Variants in EPN2 observed in about 807,000 individuals in gnomAD.
EPN2 encodes the protein epsin-2.
In EPN2, 34 loss-of-function variants were observed where a neutral mutation model predicts 61.7. The observed-to-expected ratio is 0.55, with a 90% CI of 0.42 to 0.73. The LOEUF (loss-of-function observed/expected upper bound fraction) is 0.73. Ranked by LOEUF, EPN2 falls within the 30% of genes least tolerant of loss-of-function variation. EPN2 has a pLI of 0.00. For synonymous variants in EPN2, 349 were observed against 353.6 expected, an observed-to-expected ratio of 0.99 and a Z score of 0.15; for missense variants, 714 against 839.2, an observed-to-expected ratio of 0.85 and a Z score of 1.84.
At chr17:19,297,261 G>A (rs1281139122) in intron 4 of EPN2, 3 of 152,202 alleles carry the variant, frequency 2.0e-5, no homozygotes, top group African/African-American at 7.2e-5. Flanking sequence ...AAGCATGCAG[G>A]TTCTTAATCT....
At chr17:19,310,942 T>A (rs977311508) in intron 5 of EPN2, among the ~76,000 whole-genome samples, 24 of 152,048 alleles carry the variant, frequency 1.6e-4, no homozygotes, top group African/African-American at 5.8e-4. Flanking sequence ...GCAATTAGAG[T>A]GGCCTTACAA....
intron 3 of EPN2, among the ~76,000 whole-genome samples, chr17:19,284,291 CAT>C (rs2045384329): frequency 6.6e-6 from 1 of 152,148 alleles, no homozygotes; most frequent in Non-Finnish European, 1.5e-5. Flanking sequence ...GCTGGGTCTG[CAT>C]TGAGTTCTGG....
intron 7 of EPN2, among the ~76,000 whole-genome samples, chr17:19,320,278 G>A (rs1298720022): frequency 6.6e-6 from 1 of 152,222 alleles, no homozygotes; most frequent in Admixed American, 6.5e-5. Flanking sequence ...TGTAGTGGCT[G>A]TCTGTTTCTC....
In EPN2 at chr17:19,309,775, G is replaced by A. The variant is rs191212258; in HGVS notation, c.767-110G>A. ...TGCCTGCATTGTTGGGCTACTGCTG[G>A]ACCTTGCGGGTTTGAGATGGGAATG... On this transcript the variant is annotated intron_variant, in intron 4 of 10. Transcript: ENST00000314728. 111 of 780,990 alleles carry A rather than the reference G, an allele frequency of 1.4e-4. No individual in the cohort carries two copies. The East Asian group carries it at 2.4e-3, about 17-fold the overall frequency. 48.4% of individuals were successfully genotyped at this position (780,990 alleles called of 1,614,324 possible).
chr17:19,240,687 T>C (rs1401656451), intron 1 of EPN2, among the ~76,000 whole-genome samples: 1 of 152,204 alleles, frequency 6.6e-6, no homozygotes, highest in Non-Finnish European at 1.5e-5. Flanking sequence ...GCTCGTCCGA[T>C]GTTTGGCCCC....
chr17:19,297,038 C>G (rs2045526967), intron 4 of EPN2: 1 of 152,264 alleles, frequency 6.6e-6, no homozygotes, highest in Admixed American at 6.5e-5. Flanking sequence ...TTCCTACACA[C>G]CCTGTAAACA....
At chr17:19,266,309 C>T (rs2045196613) in intron 1 of EPN2, among the ~76,000 whole-genome samples, 2 of 152,126 alleles carry the variant, frequency 1.3e-5, no homozygotes, top group Admixed American at 1.3e-4. Flanking sequence ...ACCATATGAC[C>T]CAGCAGCTTC....
intron 1 of EPN2, among the ~76,000 whole-genome samples, chr17:19,260,673 C>G (rs1259166989): frequency 6.6e-6 from 1 of 151,146 alleles, no homozygotes; most frequent in South Asian, 2.1e-4. Flanking sequence ...AATACAGTCA[C>G]GTTTCTAAAA....
intron 7 of EPN2, among the ~76,000 whole-genome samples, chr17:19,320,039 C>G (rs926096624): frequency 2.6e-5 from 4 of 152,244 alleles, no homozygotes; most frequent in Non-Finnish European, 5.9e-5. Context: ...GGGCTCGGAG[C>G]AGAGCTCAGA....
At position 19,248,811 on chromosome 17, in the gene EPN2, T is replaced by C. The variant is rs371682291; in HGVS notation, c.-294+11280T>C. Among the ~76,000 whole-genome samples, 133 of 152,216 alleles carry C rather than the reference T, an allele frequency of 8.7e-4. 3 individuals are homozygous for C. The South Asian group carries it at 0.027, about 30-fold the overall frequency. On this transcript the variant is annotated intron_variant, in intron 1 of 10. Transcript: ENST00000314728. ...GCCTCAGTAACAAGTAATATTAGCT[T>C]TGGGAGATAGCTGGGGGAGGGAAGT...
intron 1 of EPN2, among the ~76,000 whole-genome samples, chr17:19,264,507 C>T (rs1000291946): frequency 9.9e-5 from 15 of 152,178 alleles, no homozygotes; most frequent in Admixed American, 9.2e-4. Context: ...TGCTGATTCT[C>T]GCTGGCTGCC....
At chr17:19,323,065 C>G (rs2152236806) in intron 7 of EPN2, among the ~76,000 whole-genome samples, 1 of 152,340 alleles carries the variant, frequency 6.6e-6, no homozygotes, top group African/African-American at 2.4e-5. Context: ...GGCCTCAGAG[C>G]TCAGCCAGGC....
intron 4 of EPN2, among the ~76,000 whole-genome samples, chr17:19,286,896 CA>C (rs2045410259): frequency 1.3e-5 from 2 of 152,322 alleles, no homozygotes; most frequent in Middle Eastern, 6.8e-3. Context: ...CACCCAGAGG[CA>C]TTGGAGTTAC....
At chr17:19,312,451 G>A (rs953034355) in intron 6 of EPN2, among the ~76,000 whole-genome samples, 5 of 152,322 alleles carry the variant, frequency 3.3e-5, no homozygotes, top group African/African-American at 9.6e-5. Context: ...CAGGGGCTGC[G>A]GAACGCTTTC....
At chr17:19,271,187 A>C (rs2045249411) in intron 1 of EPN2, among the ~76,000 whole-genome samples, 3 of 152,134 alleles carry the variant, frequency 2.0e-5, no homozygotes, top group Admixed American at 2.0e-4. Flanking sequence ...GGAGAGAAAC[A>C]GATAAACAGG....
intron 1 of EPN2, among the ~76,000 whole-genome samples, chr17:19,245,658 A>G (rs1391677693): frequency 2.2e-5 from 3 of 136,196 alleles, no homozygotes; most frequent in Non-Finnish European, 3.1e-5. Context: ...GATGGTCTTG[A>G]TCTCTTTTTT....
At chr17:19,332,981 A>G (rs957099902) in intron 10 of EPN2, among the ~76,000 whole-genome samples, 10 of 152,230 alleles carry the variant, frequency 6.6e-5, no homozygotes, top group African/African-American at 9.6e-5. Context: ...CTGAACTTAC[A>G]GAGGCTGAGG....
chr17:19,240,936 G>A (rs1056465739), intron 1 of EPN2, among the ~76,000 whole-genome samples: 1 of 152,140 alleles, frequency 6.6e-6, no homozygotes, highest in Non-Finnish European at 1.5e-5. Flanking sequence ...CTGTTCTGTC[G>A]CACTGTTGCT....
intron 1 of EPN2, among the ~76,000 whole-genome samples, chr17:19,272,898 C>G (rs1443208390): frequency 6.6e-6 from 1 of 152,150 alleles, no homozygotes; most frequent in Non-Finnish European, 1.5e-5. Flanking sequence ...GGTCTCCAGA[C>G]CCCATCTTTT....
Sources: allele counts gnomAD v4.1 joint callset (sites outside exome capture counted in the v4.1 genomes callset), GRCh38; gene constraint gnomAD v4.1.1; transcripts MANE v1.5; gene names NCBI Gene and HGNC (gene_info 2026-07-23, HGNC 2026-07-21).